Variants in VPS45 observed in about 807,000 individuals in gnomAD.
VPS45 encodes the protein vacuolar protein sorting-associated protein 45.
Under a neutral mutation model 75.9 loss-of-function variants are expected in VPS45, and 35 were observed. The observed-to-expected ratio is 0.46, with a 90% CI of 0.35 to 0.61. The LOEUF is 0.61. VPS45 is among the 20% of genes least tolerant of loss of function. The pLI, the probability that VPS45 is intolerant of heterozygous loss-of-function variation, is 0.00. For missense variants in VPS45, 559 were observed against 685.9 expected, an observed-to-expected ratio of 0.81 and a Z score of 2.07; for synonymous variants, 220 against 238.2, an observed-to-expected ratio of 0.92 and a Z score of 0.70.
rs1553796248 is a variant in VPS45 at position 150,068,128 on chromosome 1, C to G, written c.93+178C>G. ...CGGTGGGTTTTCAGTCTACATGGCT[C>G]CAGCCACTGCCTAGAGACTACTTCT... On this transcript the variant is annotated intron_variant, in intron 1 of 14. Transcript: ENST00000644510. 1.2e-5 allele frequency: 7 copies of G among 607,148 alleles called. No individual in the cohort carries two copies. In the Admixed American group the frequency reaches 1.5e-4, roughly 13 times the overall value. 37.6% of individuals were successfully genotyped at this position (607,148 alleles called of 1,614,324 possible).
intron 14 of VPS45, among the ~76,000 whole-genome samples, chr1:150,129,990 T>C (rs1341298174): frequency 6.6e-6 from 1 of 151,770 alleles, no homozygotes; most frequent in African/African-American, 2.4e-5. Flanking sequence ...TATCTAGGAC[T>C]ATGGGCCACC....
Position 150,067,776 on chromosome 1 carries a change from G to A in VPS45, c.-82G>A, listed in dbSNP as rs1414947522. ...GAATCCCGGCTGGGAGGAAGCAGCT[G>A]AGACCCGGCCAACAGACTGGGGGTT... On this transcript the variant is annotated 5_prime_UTR_variant, in exon 1 of 15. Transcript: ENST00000644510. 5 of 1,425,110 alleles carry A rather than the reference G, an allele frequency of 3.5e-6. No homozygotes were observed. The African/African-American group carries it at 4.2e-5, about 12-fold the overall frequency. 88.3% of individuals were successfully genotyped at this position (1,425,110 alleles called of 1,614,324 possible).
intron 14 of VPS45, among the ~76,000 whole-genome samples, chr1:150,140,746 G>A (rs145612325): frequency 1.6e-4 from 25 of 152,274 alleles, no homozygotes; most frequent in African/African-American, 6.0e-4. Context: ...TTTACAAAGA[G>A]AATGTACTCA....
chr1:150,106,809 A>T (rs1332437473), intron 13 of VPS45, among the ~76,000 whole-genome samples: 4 of 152,148 alleles, frequency 2.6e-5, no homozygotes, highest in African/African-American at 9.7e-5. Context: ...TTTTTGGATA[A>T]AGAAGCCCAC....
chr1:150,122,988 C>CAA (rs111687152), intron 14 of VPS45, among the ~76,000 whole-genome samples: 116,511 of 126,496 alleles, frequency 0.92, 53,797 homozygotes, highest in South Asian at 0.97. Flanking sequence ...AACTCCTTCT[C>CAA]AAAAAAAAAA....
intron 8 of VPS45, 104 bp downstream of exon 8, chr1:150,081,580 G>C: frequency 7.6e-7 from 1 of 1,320,394 alleles, no homozygotes; most frequent in South Asian, 1.3e-5. Flanking sequence ...CATGTGAAAG[G>C]ATGATAGGGG....
chr1:150,110,553 A>C lies in VPS45; in HGVS notation c.1551A>C (p.Thr517=), dbSNP rs782727910. ...IGGATYEEAL[T]VYNLNRTTPG... Reference sequence around the variant, plus strand: ...GAGCCACCTATGAAGAGGCTCTAACAGTTTATAACCTGAACCGCACCACTC... The same window carrying C: ...GAGCCACCTATGAAGAGGCTCTAACCGTTTATAACCTGAACCGCACCACTC... Residue 517 remains threonine, a synonymous_variant, in exon 14 of 15, where the codon ACA becomes ACC. Transcript: ENST00000644510. The C allele has an allele frequency of 1.9e-6, 3 of 1,613,982 alleles. No individual in the cohort carries two copies. In the South Asian group the frequency reaches 3.3e-5, roughly 18 times the overall value.
At chr1:150,120,003 G>A (rs1658150074) in intron 14 of VPS45, among the ~76,000 whole-genome samples, 2 of 152,320 alleles carry the variant, frequency 1.3e-5, no homozygotes, top group South Asian at 2.1e-4. Context: ...AGCTACTAGG[G>A]AGGCTGAGGC....
chr1:150,131,322 A>C (rs1658822307), intron 14 of VPS45, among the ~76,000 whole-genome samples: 1 of 152,128 alleles, frequency 6.6e-6, no homozygotes, highest in South Asian at 2.1e-4. Flanking sequence ...CAGCCTGGCC[A>C]ACGTGGTGAC....
Position 150,078,050 on chromosome 1 carries a change from G to A in VPS45, c.687+271G>A, listed in dbSNP as rs201833046. Among the ~76,000 whole-genome samples, 16 of 152,164 alleles carry A rather than the reference G, an allele frequency of 1.1e-4. No homozygotes were observed. The East Asian group carries it at 3.1e-3, about 29-fold the overall frequency. ...AATTCTGTAGATTCTATTTCCCTGTGTTTCCTTCTGTCTCCTCATTTCCAT... is the reference window on the plus strand; with the variant it reads ...AATTCTGTAGATTCTATTTCCCTGTATTTCCTTCTGTCTCCTCATTTCCAT... On this transcript the variant is annotated intron_variant, in intron 7 of 14. Coordinates refer to ENST00000644510, the MANE Select transcript of VPS45 (RefSeq NM_007259.5).
At position 150,068,722 on chromosome 1, in the gene VPS45, C is replaced by G. The variant is rs1553796358; in HGVS notation, c.186C>G (p.Ile62Met). 6.2e-7 allele frequency: 1 copy of G among 1,612,682 alleles called. No individual in the cohort carries two copies. The highest frequency in any genetic ancestry group is 1.1e-5 in the South Asian group (1 of 90,828). The change falls in exon 2 of 15, where the codon ATC becomes ATG. Residue 62 changes from isoleucine (I) to methionine (M), a missense_variant. Physicochemically the swap from Ile to Met is conservative, Grantham distance 10. Coordinates refer to ENST00000644510, the MANE Select transcript of VPS45 (RefSeq NM_007259.5). ...GCATTGATTCTCAAAATCGAGAGAT[C>G]ATGAAACACCTGAAGGCAATTTGTT... ...FERIDSQNRE[I>M]MKHLKAICFL...
intron 6 of VPS45, 162 bp downstream of exon 6, chr1:150,077,393 A>G: frequency 1.1e-6 from 1 of 952,116 alleles, no homozygotes; most frequent in Non-Finnish European, 1.5e-6. Context: ...AAAAAGCAAC[A>G]ATTAGAGCTA....
At chr1:150,118,387 T>TCAA (rs1658055343) in intron 14 of VPS45, among the ~76,000 whole-genome samples, 1 of 151,708 alleles carries the variant, frequency 6.6e-6, no homozygotes, top group African/African-American at 2.4e-5. Context: ...CTTAAATTAG[T>TCAA]GTTCAAGTTC....
intron 13 of VPS45, among the ~76,000 whole-genome samples, chr1:150,100,435 T>G (rs1158041405): frequency 6.6e-6 from 1 of 152,188 alleles, no homozygotes; most frequent in Non-Finnish European, 1.5e-5. Flanking sequence ...TCAGTGCTAT[T>G]CCTATCTAAC....
intron 14 of VPS45, among the ~76,000 whole-genome samples, chr1:150,126,169 A>G (rs903502377): frequency 1.3e-5 from 2 of 151,970 alleles, no homozygotes; most frequent in Non-Finnish European, 2.9e-5. Context: ...TATATATTCT[A>G]AGGTATGGGA....
chr1:150,111,319 G>A (rs74127445), intron 14 of VPS45, among the ~76,000 whole-genome samples: 3,281 of 152,224 alleles, frequency 0.022, 97 homozygotes, highest in African/African-American at 0.074. Context: ...AGTTAACCAC[G>A]TGAACAAGTT....
chr1:150,135,177 G>A (rs982489743), intron 14 of VPS45, among the ~76,000 whole-genome samples: 1 of 151,976 alleles, frequency 6.6e-6, no homozygotes, highest in Non-Finnish European at 1.5e-5. Context: ...TAACTGATAA[G>A]TACCTTAAAA....
intron 14 of VPS45, among the ~76,000 whole-genome samples, chr1:150,112,649 CTACCT>C (rs1286278904): frequency 6.6e-5 from 10 of 152,308 alleles, no homozygotes; most frequent in African/African-American, 2.4e-4. Flanking sequence ...CTGACACGAT[CTACCT>C]GGAGTTAGCA....
Position 150,082,802 on chromosome 1 carries a change from G to A in VPS45, c.1023G>A (p.Leu341=), listed in dbSNP as rs781805887. The A allele has an allele frequency of 1.2e-6, 2 of 1,614,134 alleles. No individual in the cohort carries two copies. The highest frequency in any genetic ancestry group is 2.2e-5 in the South Asian group (2 of 91,084). The change falls in exon 10 of 15, where the codon TTG becomes TTA. Residue 341 remains leucine, a synonymous_variant. Coordinates refer to ENST00000644510, the MANE Select transcript of VPS45 (RefSeq NM_007259.5). ...HVTVVGELSR[L]VSERNLLEVS... ...CAGTGGTTGGAGAACTGTCTCGATT[G>A]GTCAGTGAACGGAATCTGCTGGAGG...
Sources: allele counts gnomAD v4.1 joint callset (sites outside exome capture counted in the v4.1 genomes callset), GRCh38; gene constraint gnomAD v4.1.1; transcripts MANE v1.5; gene names NCBI Gene and HGNC (gene_info 2026-07-23, HGNC 2026-07-21).